The following DARS2 variants were observed in gnomAD, a reference collection of about 807,000 sequenced individuals.
The protein encoded by DARS2 is aspartate--tRNA ligase, mitochondrial.
In DARS2, 63 loss-of-function variants were observed where a neutral mutation model predicts 83.0. That is an observed-to-expected ratio of 0.76 (90% CI 0.62 to 0.94). The LOEUF (loss-of-function observed/expected upper bound fraction) is 0.94. Ranked by LOEUF, DARS2 falls within the 40% of genes least tolerant of loss-of-function variation. DARS2 has a pLI of 0.00. For missense variants in DARS2, 675 were observed against 774.4 expected (o/e 0.87, Z 1.52); for synonymous variants, 250 against 269.3 (o/e 0.93, Z 0.70).
chr1:173,834,468 T>A lies in DARS2; in HGVS notation c.617-5T>A. 6.2e-7 allele frequency: 1 copy of A among 1,605,188 alleles called. No homozygotes were observed. The highest frequency in any genetic ancestry group is 8.5e-7 in the Non-Finnish European group (1 of 1,172,176). On this transcript the variant is annotated splice_polypyrimidine_tract_variant and splice_region_variant and intron_variant, in intron 6 of 16. Coordinates refer to ENST00000649689, the MANE Select transcript of DARS2 (RefSeq NM_018122.5). ...TACTAAGTGATAATGTTTCTCTCTT[T>A]TTAGGGTTTGTGGATATAGAAACCC...
intron 8 of DARS2, 114 bp from the exon 9 acceptor site, chr1:173,838,076 C>A: frequency 1.2e-6 from 1 of 865,420 alleles, no homozygotes; most frequent in Non-Finnish European, 1.9e-6. Flanking sequence ...CCCGGCCCTT[C>A]TTACGTTTTT....
intron 11 of DARS2, among the ~76,000 whole-genome samples, chr1:173,842,938 T>TAAAA (rs532765288): frequency 8.3e-6 from 1 of 120,232 alleles, no homozygotes. Context: ...CACTCCATCT[T>TAAAA]AAAAAAAAAA....
intron 9 of DARS2, among the ~76,000 whole-genome samples, chr1:173,838,859 C>T (rs941856206): frequency 3.9e-5 from 6 of 152,108 alleles, no homozygotes; most frequent in African/African-American, 9.7e-5. Context: ...CCTCAGCCTC[C>T]GAAGTAGTTG....
chr1:173,825,048 G>A lies in DARS2; in HGVS notation c.-182G>A. On this transcript the variant is annotated 5_prime_UTR_variant, in exon 1 of 17. Transcript: ENST00000649689. ...CCCCAGCAAGCACCCCAGAGACCTT[G>A]GAGATTTGTCTTGTTTCTAGACACG... 1 of 787,964 alleles carries A rather than the reference G, an allele frequency of 1.3e-6. No homozygotes were observed. The highest frequency in any genetic ancestry group is 2.3e-5 in the Admixed American group (1 of 43,542). The allele number at this position is 787,964 out of a possible 1,614,324, so 48.8% of individuals were successfully genotyped here.
intron 12 of DARS2, among the ~76,000 whole-genome samples, chr1:173,846,484 C>G (rs1401657476): frequency 6.6e-6 from 1 of 151,644 alleles, no homozygotes. Context: ...AGAGTGAGAC[C>G]CTGTCTCTAA....
At chr1:173,832,980 C>T (rs1364877513) in intron 5 of DARS2, among the ~76,000 whole-genome samples, 1 of 152,048 alleles carries the variant, frequency 6.6e-6, no homozygotes, top group African/African-American at 2.4e-5. Context: ...AAGTGATCCT[C>T]CCACCTCAGC....
chr1:173,835,118 G>T (rs530341666), intron 7 of DARS2, among the ~76,000 whole-genome samples: 3 of 150,812 alleles, frequency 2.0e-5, no homozygotes, highest in Non-Finnish European at 4.4e-5. Context: ...TTAATAAATT[G>T]GTATTTTTTG....
At chr1:173,845,079 G>GCCAC in intron 11 of DARS2, 150 bp from the exon 12 acceptor site, 1 of 595,126 alleles carries the variant, frequency 1.7e-6, no homozygotes, top group Non-Finnish European at 3.1e-6. Flanking sequence ...ACAGGCATGA[G>GCCAC]CCACCGCGCC....
rs575928907 is a variant in DARS2, at chr1:173,835,381, G to A, written c.663+862G>A. On this transcript the variant is annotated intron_variant, in intron 7 of 16. Coordinates refer to ENST00000649689, the MANE Select transcript of DARS2 (RefSeq NM_018122.5). Reference sequence around the variant, plus strand: ...GCTGGGATTACAGGCGTGAGCCACCGCGCCCAGCCAATGAATTGGTTCTTT... The same window carrying A: ...GCTGGGATTACAGGCGTGAGCCACCACGCCCAGCCAATGAATTGGTTCTTT... Among the ~76,000 whole-genome samples, 111 of 144,872 alleles carry A rather than the reference G, an allele frequency of 7.7e-4. 1 individual carries two copies. Among genetic ancestry groups the A allele is most frequent in the African/African-American group, 2.1e-3 (83 of 40,376 alleles).
intron 7 of DARS2, among the ~76,000 whole-genome samples, chr1:173,835,973 C>T (rs1217046981): frequency 1.3e-5 from 2 of 151,904 alleles, no homozygotes; most frequent in Non-Finnish European, 2.9e-5. Context: ...AGGAGAATTG[C>T]TTGAACCCAG....
intron 10 of DARS2, among the ~76,000 whole-genome samples, chr1:173,840,334 G>A (rs1240790393): frequency 6.6e-6 from 1 of 152,192 alleles, no homozygotes; most frequent in Non-Finnish European, 1.5e-5. Flanking sequence ...GGCCTCCTGG[G>A]TTCAAGCGAT....
Position 173,857,407 on chromosome 1 carries a change from G to T in DARS2, c.1751-111G>T, listed in dbSNP as rs1179616918. 4.6e-5 allele frequency: 51 copies of T among 1,111,934 alleles called. No individual in the cohort carries two copies. In the South Asian group the frequency reaches 6.8e-4, roughly 15 times the overall value. The allele number at this position is 1,111,934 out of a possible 1,614,324, so 68.9% of individuals were successfully genotyped here. On this transcript the variant is annotated intron_variant, in intron 16 of 16. Transcript: ENST00000649689. The stretch of plus-strand genomic sequence containing the variant: ...AGGTAGGGAACGATGGTTGGCTACA[G>T]TTTGTTAAAGATTCTTATTTAAAAG...
In DARS2 at chr1:173,853,468, G is replaced by A; in HGVS notation, c.1464G>A (p.Leu488=). The A allele has an allele frequency of 1.9e-6, 3 of 1,614,012 alleles. No individual in the cohort carries two copies. The highest frequency in any genetic ancestry group is 2.5e-6 in the Non-Finnish European group (3 of 1,179,992). Residue 488 remains leucine (L), a synonymous_variant, in exon 14 of 17, where the codon CTG becomes CTA. Transcript: ENST00000649689. The stretch of plus-strand genomic sequence containing the variant: ...GGGTGGTAGATTTCCCACTCTTCCT[G>A]CCCAAGGAGGAAAATCCCAGAGAGC... The part of the protein sequence containing the change: ...FLWVVDFPLF[L]PKEENPRELE...
At chr1:173,836,106 G>C (rs1339427053) in intron 7 of DARS2, among the ~76,000 whole-genome samples, 1 of 151,918 alleles carries the variant, frequency 6.6e-6, no homozygotes, top group African/African-American at 2.4e-5. Context: ...CATAATCCCA[G>C]CTACTTGAGA....
rs1652765092 is a variant in DARS2 at position 173,830,719 on chromosome 1, G to C, written c.354G>C (p.Val118=). Residue 118 remains valine (V), a synonymous_variant, in exon 4 of 17, where the codon GTG becomes GTC. Coordinates refer to ENST00000649689, the MANE Select transcript of DARS2 (RefSeq NM_018122.5). ...CCCCTGTGGAATCTGTGGTGCAAGT[G>C]TCTGGTACAGTCATTTCCCGTCCTG... ...CEAPVESVVQ[V]SGTVISRPAG... 1 of 1,613,928 alleles carries C rather than the reference G, an allele frequency of 6.2e-7. No homozygotes were observed. The highest frequency in any genetic ancestry group is 1.7e-5 in the Admixed American group (1 of 59,984).
At position 173,853,444 on chromosome 1, in the gene DARS2, G is replaced by A. The variant is rs139747670; in HGVS notation, c.1440G>A (p.Trp480Ter). ...LRDPTLFSFLWVVDFPLFLPK... is the reference protein window; with the variant it reads ...LRDPTLFSFL Reference sequence around the variant, plus strand: ...ACCCCACTCTGTTCTCTTTCCTTTGGGTGGTAGATTTCCCACTCTTCCTGC... The same window carrying A: ...ACCCCACTCTGTTCTCTTTCCTTTGAGTGGTAGATTTCCCACTCTTCCTGC... Residue 480 changes from tryptophan to a stop codon, truncating the protein, a stop_gained, in exon 14 of 17, where the codon TGG becomes TGA. Transcript: ENST00000649689. LOFTEE classifies it high-confidence loss of function. 3.7e-6 allele frequency: 6 copies of A among 1,613,980 alleles called. No individual in the cohort carries two copies. The highest frequency in any genetic ancestry group is 1.7e-5 in the Admixed American group (1 of 59,992).
intron 11 of DARS2, among the ~76,000 whole-genome samples, chr1:173,842,466 G>GT (rs1031927561): frequency 4.7e-5 from 7 of 147,960 alleles, no homozygotes; most frequent in Non-Finnish European, 3.0e-5. Flanking sequence ...GCCCAGCTAA[G>GT]TTTTTTTTGT....
At chr1:173,839,291 A>T in intron 9 of DARS2, 76 bp from the exon 10 acceptor site, 1 of 1,359,026 alleles carries the variant, frequency 7.4e-7, no homozygotes, top group Non-Finnish European at 1.0e-6. Flanking sequence ...ATTCTATAGT[A>T]ACTTGAAAGC....
At chr1:173,850,065 C>T (rs1191913222) in intron 12 of DARS2, among the ~76,000 whole-genome samples, 1 of 151,568 alleles carries the variant, frequency 6.6e-6, no homozygotes, top group Non-Finnish European at 1.5e-5. Flanking sequence ...CCATGTTGGC[C>T]AAGCTGGTGT....
Sources: gnomAD v4.1 joint callset for allele counts (sites outside exome capture counted in the v4.1 genomes callset) on GRCh38, gnomAD v4.1.1 for gene constraint, MANE v1.5 for transcripts, NCBI Gene and HGNC (gene_info 2026-07-23, HGNC 2026-07-21) for gene names.